BABAM2: variants seen among roughly 807,000 people sequenced by gnomAD.
BABAM2 encodes BRISC and BRCA1-A complex member 2.
A neutral mutation model predicts 54.7 loss-of-function variants in BABAM2; 31 were observed. That is an observed-to-expected ratio of 0.57 (90% CI 0.43 to 0.77). The LOEUF is 0.77. BABAM2 is among the 30% of genes least tolerant of loss of function. BABAM2 has a pLI of 0.00. For synonymous variants in BABAM2, 167 were observed against 162.9 expected (o/e 1.03, Z -0.19); for missense variants, 364 against 455.8 (o/e 0.80, Z 1.83).
At chr2:28,086,609 T>C (rs1665663200) in intron 6 of BABAM2, among the ~76,000 whole-genome samples, 1 of 152,226 alleles carries the variant, frequency 6.6e-6, no homozygotes, top group Non-Finnish European at 1.5e-5. Context: ...TATTGAAATA[T>C]GTTTTCAAGG....
chr2:28,115,182 AACACACAC>A (rs35506654), intron 6 of BABAM2, among the ~76,000 whole-genome samples: 4,756 of 142,308 alleles, frequency 0.033, 228 homozygotes, highest in African/African-American at 0.11. Flanking sequence ...ATAACTTTAA[AACACACAC>A]ACACACACAC....
intron 11 of BABAM2, among the ~76,000 whole-genome samples, chr2:28,324,210 C>T (rs1690258031): frequency 6.6e-6 from 1 of 152,170 alleles, no homozygotes; most frequent in African/African-American, 2.4e-5. Context: ...GACTAAAATA[C>T]AGCCACAATG....
Position 28,192,615 on chromosome 2 carries a change from G to A in BABAM2, c.681-44587G>A, listed in dbSNP as rs112117711. On this transcript the variant is annotated intron_variant, in intron 7 of 11. Transcript: ENST00000379624. The stretch of plus-strand genomic sequence containing the variant: ...TGGCTCACTGCAACCTCTGCCTCCC[G>A]GGTTCAAGTGATTCTCCTGCCTCAG... Among the ~76,000 whole-genome samples, 728 of 146,822 alleles carry A rather than the reference G, an allele frequency of 5.0e-3. 5 individuals carry two copies. The highest frequency in any genetic ancestry group is 0.018 in the African/African-American group (699 of 39,736).
Position 28,129,058 on chromosome 2 carries a change from C to T in BABAM2, c.571-213C>T, listed in dbSNP as rs541772882. On this transcript the variant is annotated intron_variant, in intron 6 of 11. Coordinates refer to ENST00000379624, the MANE Select transcript of BABAM2 (RefSeq NM_199191.3). ...ACAAGTGAGATAGGTGGAGGTCTTT[C>T]GCTTTGCTGTGGTGGGCTTTGCTCA... 1.1e-4 allele frequency among the ~76,000 whole-genome samples: 17 copies of T among 152,252 alleles called. No homozygotes were observed. The South Asian group carries it at 1.2e-3, about 11-fold the overall frequency.
chr2:28,287,329 T>C (rs1686909336), intron 10 of BABAM2, among the ~76,000 whole-genome samples: 1 of 152,244 alleles, frequency 6.6e-6, no homozygotes, highest in African/African-American at 2.4e-5. Context: ...AGTTTATTTA[T>C]TGTGACTCAA....
chr2:28,320,580 G>A (rs968806390), intron 11 of BABAM2, among the ~76,000 whole-genome samples: 4 of 152,250 alleles, frequency 2.6e-5, no homozygotes, highest in African/African-American at 7.2e-5. Flanking sequence ...CACGTTGCCA[G>A]GCCCATGGTG....
chr2:28,023,603 A>G (rs896350966), intron 4 of BABAM2, among the ~76,000 whole-genome samples: 1 of 152,192 alleles, frequency 6.6e-6, no homozygotes, highest in Non-Finnish European at 1.5e-5. Context: ...TATTCACTGT[A>G]TGATGCTGAA....
At chr2:27,913,948 G>A (rs897844174) in intron 2 of BABAM2, among the ~76,000 whole-genome samples, 4 of 152,096 alleles carry the variant, frequency 2.6e-5, no homozygotes, top group Non-Finnish European at 4.4e-5. Flanking sequence ...ACATTCTCTT[G>A]TTACAAGAAA....
intron 3 of BABAM2, among the ~76,000 whole-genome samples, chr2:27,941,796 A>G (rs563733354): frequency 2.6e-4 from 40 of 152,278 alleles, no homozygotes; most frequent in African/African-American, 8.9e-4. Context: ...AGGATTCCAT[A>G]CTATATCACT....
At chr2:28,139,071 G>A (rs7606772) in intron 7 of BABAM2, among the ~76,000 whole-genome samples, 37,241 of 151,986 alleles carry the variant, frequency 0.25, 4,769 homozygotes, top group South Asian at 0.47. Flanking sequence ...CATAGGTAGT[G>A]GGACCAGGGA....
At chr2:28,208,279 A>G (rs2147978226) in intron 7 of BABAM2, among the ~76,000 whole-genome samples, 1 of 152,350 alleles carries the variant, frequency 6.6e-6, no homozygotes, top group African/African-American at 2.4e-5. Flanking sequence ...CAGGCTGTTT[A>G]TATTTATGAA....
rs559612246 is a variant in BABAM2, at chr2:28,033,294, C to T, written c.495+7874C>T. Among the ~76,000 whole-genome samples, 7 of 151,980 alleles carry T rather than the reference C, an allele frequency of 4.6e-5. No homozygotes were observed. In the East Asian group the frequency reaches 1.4e-3, roughly 29 times the overall value. Reference sequence around the variant, plus strand: ...ACATTTTTGTCATGGATGTGTGTATCAGAAGAACCAGTGTGTCTTAGTCCA... The same window carrying T: ...ACATTTTTGTCATGGATGTGTGTATTAGAAGAACCAGTGTGTCTTAGTCCA... On this transcript the variant is annotated intron_variant, in intron 5 of 11. Transcript: ENST00000379624.
chr2:28,140,569 C>T (rs1255162439), intron 7 of BABAM2, among the ~76,000 whole-genome samples: 1 of 151,742 alleles, frequency 6.6e-6, no homozygotes, highest in Non-Finnish European at 1.5e-5. Context: ...TTCATAGATC[C>T]CTAGGGATAG....
At chr2:28,333,992 C>A (rs1402247251) in intron 11 of BABAM2, among the ~76,000 whole-genome samples, 1 of 152,188 alleles carries the variant, frequency 6.6e-6, no homozygotes, top group Non-Finnish European at 1.5e-5. Context: ...GGGTGGGAGC[C>A]AGTTGTCATT....
chr2:28,249,563 T>C (rs1183358810), intron 10 of BABAM2, among the ~76,000 whole-genome samples: 2 of 152,212 alleles, frequency 1.3e-5, no homozygotes, highest in African/African-American at 4.8e-5. Context: ...TGAAGTACAA[T>C]GGTATGCATT....
chr2:28,301,824 A>C (rs183340107), intron 11 of BABAM2, among the ~76,000 whole-genome samples: 117 of 152,318 alleles, frequency 7.7e-4, no homozygotes, highest in African/African-American at 2.5e-3. Flanking sequence ...TCCTTAACCA[A>C]ACCATGAGTA....
At chr2:28,086,086 A>G (rs1665615495) in intron 6 of BABAM2, among the ~76,000 whole-genome samples, 2 of 152,218 alleles carry the variant, frequency 1.3e-5, no homozygotes, top group Admixed American at 1.3e-4. Flanking sequence ...TATTTTAATT[A>G]GTCAATTTTC....
intron 5 of BABAM2, among the ~76,000 whole-genome samples, chr2:28,044,778 T>C (rs1368743628): frequency 6.6e-6 from 1 of 152,234 alleles, no homozygotes; most frequent in Non-Finnish European, 1.5e-5. Flanking sequence ...TGAGTAGTTC[T>C]GGATCATTTC....
intron 11 of BABAM2, among the ~76,000 whole-genome samples, chr2:28,306,845 C>T (rs1417074357): frequency 2.0e-5 from 3 of 150,938 alleles, no homozygotes; most frequent in Non-Finnish European, 3.0e-5. Flanking sequence ...TACAGGCTCG[C>T]GCCACTATTG....
Sources: gnomAD v4.1 joint callset for allele counts (sites outside exome capture counted in the v4.1 genomes callset) on GRCh38, gnomAD v4.1.1 for gene constraint, MANE v1.5 for transcripts, NCBI Gene and HGNC (gene_info 2026-07-23, HGNC 2026-07-21) for gene names.